LDB2: variants seen among roughly 807,000 people sequenced by gnomAD.
LDB2 encodes the protein LIM domain-binding protein 2.
In LDB2, 12 loss-of-function variants were observed where a neutral mutation model predicts 44.3. The observed-to-expected ratio is 0.27, with a 90% CI of 0.17 to 0.44. The LOEUF (loss-of-function observed/expected upper bound fraction) is 0.44. Among genes scored for constraint, LDB2 ranks in the 20% least tolerant of loss-of-function variants. LDB2 has a pLI of 1.00. For synonymous variants in LDB2, 164 were observed against 174.8 expected, an observed-to-expected ratio of 0.94 and a Z score of 0.49; for missense variants, 344 against 473.5, an observed-to-expected ratio of 0.73 and a Z score of 2.54.
chr4:16,658,813 G>A (rs1377773832), intron 2 of LDB2, among the ~76,000 whole-genome samples: 1 of 152,160 alleles, frequency 6.6e-6, no homozygotes, highest in Non-Finnish European at 1.5e-5. Flanking sequence ...ACCTCCCTGA[G>A]GGGTGTATCT....
chr4:16,636,643 C>T lies in LDB2; in HGVS notation c.236-40768G>A, dbSNP rs573857518. On this transcript the variant is annotated intron_variant, in intron 2 of 7. Coordinates refer to ENST00000304523, the MANE Select transcript of LDB2 (RefSeq NM_001290.5). ...CTGAGGTTCATAATAGGAATAATTT[C>T]ATTACAGCAAATCCTCTTACATTTG... 2.6e-5 allele frequency among the ~76,000 whole-genome samples: 4 copies of T among 152,208 alleles called. No homozygotes were observed. In the South Asian group the frequency reaches 8.3e-4, roughly 32 times the overall value.
intron 2 of LDB2, among the ~76,000 whole-genome samples, chr4:16,652,650 G>T (rs373918262): frequency 3.9e-5 from 6 of 152,284 alleles, no homozygotes; most frequent in Admixed American, 1.3e-4. Context: ...GAGATCAAAA[G>T]CCGTCTGTCT....
At chr4:16,818,893 GCT>G (rs558432768) in intron 1 of LDB2, among the ~76,000 whole-genome samples, 260 of 152,314 alleles carry the variant, frequency 1.7e-3, no homozygotes, top group African/African-American at 5.1e-3. Flanking sequence ...CAGTGTTGCT[GCT>G]CTCTCTGGAT....
At chr4:16,695,357 C>A (rs989672766) in intron 2 of LDB2, among the ~76,000 whole-genome samples, 1 of 151,866 alleles carries the variant, frequency 6.6e-6, no homozygotes, top group Non-Finnish European at 1.5e-5. Context: ...ATGGTGAAAC[C>A]CTGTCTCTAC....
At chr4:16,658,347 CA>C (rs1489134706) in intron 2 of LDB2, among the ~76,000 whole-genome samples, 1 of 152,216 alleles carries the variant, frequency 6.6e-6, no homozygotes, top group African/African-American at 2.4e-5. Context: ...TAGGTCTCTG[CA>C]TCCTTGAGGC....
chr4:16,726,776 T>G (rs1204981923), intron 2 of LDB2, among the ~76,000 whole-genome samples: 1 of 152,212 alleles, frequency 6.6e-6, no homozygotes, highest in Non-Finnish European at 1.5e-5. Context: ...TTTTTGAACG[T>G]TGGTTAGAAT....
chr4:16,817,470 A>G (rs1246502795), intron 1 of LDB2, among the ~76,000 whole-genome samples: 2 of 152,158 alleles, frequency 1.3e-5, no homozygotes, highest in Non-Finnish European at 2.9e-5. Flanking sequence ...GGGGATATTC[A>G]TTCCTAAGGC....
intron 5 of LDB2, among the ~76,000 whole-genome samples, chr4:16,557,244 G>A (rs1023638894): frequency 3.3e-5 from 5 of 152,192 alleles, no homozygotes; most frequent in Admixed American, 1.3e-4. Context: ...TGCGCAAGCC[G>A]AAGCAGGGTG....
intron 2 of LDB2, among the ~76,000 whole-genome samples, chr4:16,675,575 C>T (rs1200458164): frequency 7.2e-6 from 1 of 139,330 alleles, no homozygotes; most frequent in Non-Finnish European, 1.6e-5. Context: ...AAAATGGGTA[C>T]AAAATGAAAA....
At chr4:16,603,068 G>A (rs568790943) in intron 2 of LDB2, among the ~76,000 whole-genome samples, 40 of 152,280 alleles carry the variant, frequency 2.6e-4, no homozygotes, top group African/African-American at 9.1e-4. Flanking sequence ...TCTTGATTCT[G>A]TCAGTGATAC....
At chr4:16,519,030 G>A (rs1272701411) in intron 5 of LDB2, among the ~76,000 whole-genome samples, 4 of 152,140 alleles carry the variant, frequency 2.6e-5, no homozygotes, top group Admixed American at 2.6e-4. Context: ...CACTTATCGT[G>A]AATCTTTGCA....
chr4:16,759,971 A>T (rs994340276), intron 1 of LDB2, among the ~76,000 whole-genome samples: 2 of 152,224 alleles, frequency 1.3e-5, no homozygotes, highest in Non-Finnish European at 2.9e-5. Context: ...TGCAGAAAAC[A>T]CTTTGGAAGC....
At position 16,588,764 on chromosome 4, in the gene LDB2, G is replaced by T; in HGVS notation, c.477C>A (p.His159Gln). 6.2e-7 allele frequency: 1 copy of T among 1,613,882 alleles called. No individual in the cohort carries two copies. The highest frequency in any genetic ancestry group is 8.5e-7 in the Non-Finnish European group (1 of 1,179,760). ...ACTCTCGGTATTGTCTAATGGTAAA[G>T]TGCCATGTTTTGATTCTCATGAGAT... ...FDDLMRIKTW[H>Q]FTIRQYRELV... The change falls in exon 4 of 8, where the codon CAC (histidine) becomes CAA (glutamine). Residue 159 changes from histidine to glutamine, a missense_variant. By Grantham distance (24) the His-to-Gln change is conservative. Around this residue, in one of 3 missense-constraint regions of LDB2, gnomAD observed 226 missense variants for 270.1 expected, o/e 0.84. Transcript: ENST00000304523.
At chr4:16,516,278 T>C (rs1340892858) in intron 5 of LDB2, among the ~76,000 whole-genome samples, 1 of 152,262 alleles carries the variant, frequency 6.6e-6, no homozygotes, top group Non-Finnish European at 1.5e-5. Context: ...GTTGTGAGAA[T>C]TTGAGTTAAT....
chr4:16,551,459 A>G (rs1296307405), intron 5 of LDB2, among the ~76,000 whole-genome samples: 4 of 152,250 alleles, frequency 2.6e-5, no homozygotes, highest in Admixed American at 6.5e-5. Flanking sequence ...CTCCATGAAA[A>G]AGTCCTCTGT....
chr4:16,596,755 C>T (rs1343727304), intron 2 of LDB2, among the ~76,000 whole-genome samples: 1 of 152,140 alleles, frequency 6.6e-6, no homozygotes, highest in Non-Finnish European at 1.5e-5. Context: ...CTGGTCCTGT[C>T]CCATTTTAGT....
At chr4:16,550,518 T>G (rs1264826378) in intron 5 of LDB2, among the ~76,000 whole-genome samples, 1 of 152,214 alleles carries the variant, frequency 6.6e-6, no homozygotes, top group African/African-American at 2.4e-5. Flanking sequence ...ACATTTTCCC[T>G]TATTACATTG....
intron 2 of LDB2, among the ~76,000 whole-genome samples, chr4:16,697,307 T>A (rs1364397455): frequency 4.7e-5 from 4 of 84,256 alleles, no homozygotes; most frequent in Non-Finnish European, 7.8e-5. Flanking sequence ...ACACACAAAT[T>A]AGCCAGGCGT....
chr4:16,559,147 C>T (rs2152373761), intron 5 of LDB2, among the ~76,000 whole-genome samples: 1 of 152,322 alleles, frequency 6.6e-6, no homozygotes, highest in Admixed American at 6.5e-5. Context: ...TAGGAAGAAA[C>T]TGCATCAACT....
Sources: allele counts gnomAD v4.1 joint callset (sites outside exome capture counted in the v4.1 genomes callset), GRCh38; gene constraint gnomAD v4.1.1; regional missense constraint gnomAD v4.1.1; transcripts MANE v1.5; gene names NCBI Gene and HGNC (gene_info 2026-07-23, HGNC 2026-07-21).